Variants in COL5A2 observed in about 807,000 individuals in gnomAD.
COL5A2 encodes the protein collagen type V alpha 2 chain.
A neutral mutation model predicts 208.2 loss-of-function variants in COL5A2; 23 were observed. The observed-to-expected ratio is 0.11, with a 90% CI of 0.08 to 0.16. The LOEUF (loss-of-function observed/expected upper bound fraction) is 0.16. Among genes scored for constraint, COL5A2 ranks in the 10% least tolerant of loss-of-function variants. The probability of loss-of-function intolerance (pLI) is 1.00; values close to 1 mark genes in which losing one functional copy is unlikely to be tolerated. For synonymous variants in COL5A2, 625 were observed against 628.5 expected, an observed-to-expected ratio of 0.99 and a Z score of 0.08; for missense variants, 1,590 against 1,956.4, an observed-to-expected ratio of 0.81 and a Z score of 3.53.
rs1233799181 is a variant in COL5A2 at position 189,032,931 on chromosome 2, T to A, written c.*1139A>T. 1 of 152,630 alleles carries A rather than the reference T, an allele frequency of 6.6e-6. No homozygotes were observed. Among genetic ancestry groups the A allele is most frequent in the East Asian group, 1.9e-4 (1 of 5,192 alleles). 9.5% of individuals were successfully genotyped at this position (152,630 alleles called of 1,614,324 possible). On this transcript the variant is annotated 3_prime_UTR_variant, in exon 54 of 54. Coordinates refer to ENST00000374866, the MANE Select transcript of COL5A2 (RefSeq NM_000393.5). The stretch of plus-strand genomic sequence containing the variant: ...TTTTTAGCCCTGCCTATCTCCAGTC[T>A]TGGAATAATAACAGAAGCATAGCAC...
At chr2:189,035,272 T>G in intron 52 of COL5A2, 117 bp from the exon 53 acceptor site, 1 of 1,340,618 alleles carries the variant, frequency 7.5e-7, no homozygotes, top group South Asian at 1.3e-5. Flanking sequence ...AGAGTATTAC[T>G]TTAATTCTTG....
the COL5A2 span, among the ~76,000 whole-genome samples, chr2:189,402,959 C>T: frequency 2.0e-5 from 3 of 152,082 alleles, no homozygotes; most frequent in African/African-American, 7.2e-5. Flanking sequence ...TGTCAATGGT[C>T]GTTTAAAGGG....
chr2:189,071,532 C>T (rs990595513), intron 18 of COL5A2, among the ~76,000 whole-genome samples: 3 of 152,158 alleles, frequency 2.0e-5, no homozygotes, highest in Non-Finnish European at 2.9e-5. Context: ...AAATATTCTC[C>T]GTGCCCACTC....
At chr2:189,212,653 G>C (rs1689229863) in intron 1 of COL5A2, among the ~76,000 whole-genome samples, 1 of 143,326 alleles carries the variant, frequency 7.0e-6, no homozygotes, top group Admixed American at 7.0e-5. Context: ...AAAAAAAAAA[G>C]TATCTGCCAG....
chr2:189,353,370 T>C, the COL5A2 span, among the ~76,000 whole-genome samples: 8 of 152,350 alleles, frequency 5.3e-5, no homozygotes, highest in Middle Eastern at 3.4e-3. Flanking sequence ...AATCTATAAA[T>C]TACTTTGGGC....
chr2:189,163,011 T>C (rs12105389), intron 1 of COL5A2, among the ~76,000 whole-genome samples: 91,337 of 151,982 alleles, frequency 0.6, 28,369 homozygotes, highest in East Asian at 0.72. Context: ...CCATCAAACA[T>C]GATTGCCAAG....
chr2:189,048,371 T>G, intron 44 of COL5A2, 109 bp from the exon 45 acceptor site: 1 of 933,606 alleles, frequency 1.1e-6, no homozygotes, highest in Non-Finnish European at 1.7e-6. Context: ...TTATAAACTG[T>G]CAGTTAGCAT....
intron 6 of COL5A2, 61 bp downstream of exon 6, chr2:189,097,216 A>G: frequency 6.6e-7 from 1 of 1,524,150 alleles, no homozygotes; most frequent in Non-Finnish European, 9.1e-7. Context: ...CTGCATTCAG[A>G]GAACACAGTG....
chr2:189,106,945 TA>T (rs932666800), intron 2 of COL5A2, among the ~76,000 whole-genome samples: 23 of 151,518 alleles, frequency 1.5e-4, no homozygotes, highest in African/African-American at 5.5e-4. Context: ...TTTTCATGAA[TA>T]ATTACTCTCT....
chr2:189,128,813 A>G (rs778619655), intron 1 of COL5A2, among the ~76,000 whole-genome samples: 2 of 152,004 alleles, frequency 1.3e-5, no homozygotes, highest in Non-Finnish European at 2.9e-5. Flanking sequence ...AGAGAAGACT[A>G]TATCTTCTGC....
intron 1 of COL5A2, among the ~76,000 whole-genome samples, chr2:189,217,561 C>G (rs752804598): frequency 3.9e-5 from 6 of 152,068 alleles, no homozygotes; most frequent in Non-Finnish European, 8.8e-5. Flanking sequence ...GGCTAACAAT[C>G]CTAGTGTGGG....
the COL5A2 span, among the ~76,000 whole-genome samples, chr2:189,424,923 A>C: frequency 2.0e-5 from 3 of 152,242 alleles, no homozygotes; most frequent in African/African-American, 4.8e-5. Context: ...ACAAAGCTCT[A>C]GTAACCCAAC....
chr2:189,220,470 CA>C (rs35588877), intron 1 of COL5A2, among the ~76,000 whole-genome samples: 104,399 of 145,836 alleles, frequency 0.72, 40,393 homozygotes, highest in Non-Finnish European at 0.87. Flanking sequence ...GGTGTATTAA[CA>C]AAAAAAAAAA....
the COL5A2 span, among the ~76,000 whole-genome samples, chr2:189,345,296 AT>A: frequency 6.6e-6 from 1 of 152,178 alleles, no homozygotes; most frequent in Non-Finnish European, 1.5e-5. Context: ...CAAGCAAGAT[AT>A]ATGTGGATGC....
intron 12 of COL5A2, among the ~76,000 whole-genome samples, chr2:189,081,815 A>G (rs1042006912): frequency 6.6e-5 from 10 of 152,182 alleles, no homozygotes; most frequent in African/African-American, 2.4e-4. Flanking sequence ...CCAGTGGCAC[A>G]ACTATTTTGA....
At chr2:189,182,605 T>C (rs1688796067), upstream of COL5A2, among the ~76,000 whole-genome samples, 1 of 152,186 alleles carries the variant, frequency 6.6e-6, no homozygotes, top group African/African-American at 2.4e-5. Flanking sequence ...TACTTCTTTC[T>C]GGAATATATG....
At chr2:189,429,410 G>A in the COL5A2 span, among the ~76,000 whole-genome samples, 1 of 152,202 alleles carries the variant, frequency 6.6e-6, no homozygotes, top group Non-Finnish European at 1.5e-5. Context: ...CTGTGTCTTG[G>A]AGGGATTTCT....
At chr2:189,404,981 T>C in the COL5A2 span, among the ~76,000 whole-genome samples, 1 of 152,214 alleles carries the variant, frequency 6.6e-6, no homozygotes, top group African/African-American at 2.4e-5. Context: ...GGATGAATCA[T>C]TTGATATCCA....
At chr2:189,370,671 A>G in the COL5A2 span, among the ~76,000 whole-genome samples, 5 of 152,158 alleles carry the variant, frequency 3.3e-5, no homozygotes, top group African/African-American at 4.8e-5. Context: ...TACATAGATA[A>G]TAAACAATCT....
Sources: gnomAD v4.1 joint callset for allele counts (sites outside exome capture counted in the v4.1 genomes callset) on GRCh38, gnomAD v4.1.1 for gene constraint, MANE v1.5 for transcripts, NCBI Gene and HGNC (gene_info 2026-07-23, HGNC 2026-07-21) for gene names.